Variants in BRD10 observed in about 807,000 individuals in gnomAD.
The protein encoded by BRD10 is bromodomain containing 10, also known as uncharacterized bromodomain-containing protein 10.
chr9:5,951,878 T>C, the BRD10 span, among the ~76,000 whole-genome samples: 4 of 152,152 alleles, frequency 2.6e-5, no homozygotes, highest in Non-Finnish European at 5.9e-5. Flanking sequence ...GGTATTCATA[T>C]TGTAAACTAG....
the BRD10 span, among the ~76,000 whole-genome samples, chr9:5,902,987 C>T: frequency 1.3e-5 from 2 of 152,168 alleles, no homozygotes; most frequent in Admixed American, 6.6e-5. Context: ...ATACTGCTTG[C>T]ACTGCTAAGC....
the BRD10 span, among the ~76,000 whole-genome samples, chr9:6,000,767 T>C: frequency 1.3e-5 from 2 of 152,220 alleles, no homozygotes; most frequent in African/African-American, 2.4e-5. Context: ...AAATTAAGCA[T>C]TTCAGCTTTT....
the BRD10 span, chr9:5,922,321 A>G: frequency 5.6e-6 from 9 of 1,613,876 alleles, no homozygotes; most frequent in Admixed American, 1.7e-5. Flanking sequence ...TGGTCGGTGA[A>G]GCACTGGGCA....
chr9:5,983,250 C>T, the BRD10 span, among the ~76,000 whole-genome samples: 1 of 152,178 alleles, frequency 6.6e-6, no homozygotes, highest in African/African-American at 2.4e-5. Flanking sequence ...TATTGTAGGG[C>T]TGAACTGGAG....
the BRD10 span, among the ~76,000 whole-genome samples, chr9:5,926,240 T>C: frequency 2.2e-4 from 33 of 152,256 alleles, no homozygotes; most frequent in African/African-American, 7.5e-4. Flanking sequence ...ATTTTTGCTA[T>C]ACATTCTTAT....
chr9:5,887,047 T>C, the BRD10 span, among the ~76,000 whole-genome samples: 4 of 151,928 alleles, frequency 2.6e-5, no homozygotes, highest in Non-Finnish European at 4.4e-5. Context: ...CCACTAGAGG[T>C]CAGGAGTTCG....
At chr9:5,905,927 T>G in the BRD10 span, among the ~76,000 whole-genome samples, 1 of 152,234 alleles carries the variant, frequency 6.6e-6, no homozygotes, top group Non-Finnish European at 1.5e-5. Flanking sequence ...AGTTTTTTTC[T>G]TTCTGTTAAC....
chr9:5,980,162 A>G, the BRD10 span, among the ~76,000 whole-genome samples: 1 of 152,196 alleles, frequency 6.6e-6, no homozygotes, highest in Admixed American at 6.6e-5. Context: ...GGTGGTTGTG[A>G]TTAGCTTAAA....
the BRD10 span, among the ~76,000 whole-genome samples, chr9:6,006,162 C>T: frequency 6.6e-6 from 1 of 152,190 alleles, no homozygotes; most frequent in Non-Finnish European, 1.5e-5. Context: ...ATTAAAATGG[C>T]TAACACTTAT....
At chr9:5,964,937 G>C in the BRD10 span, among the ~76,000 whole-genome samples, 1 of 147,792 alleles carries the variant, frequency 6.8e-6, no homozygotes, top group Non-Finnish European at 1.5e-5. Context: ...GGAGAGCATT[G>C]GGAGATATAC....
chr9:6,003,263 A>T, the BRD10 span, among the ~76,000 whole-genome samples: 1 of 152,220 alleles, frequency 6.6e-6, no homozygotes, highest in Non-Finnish European at 1.5e-5. Flanking sequence ...AGCCTTTCAA[A>T]ACTAGAAAAA....
chr9:5,960,543 CAA>C, the BRD10 span, among the ~76,000 whole-genome samples: 1 of 137,232 alleles, frequency 7.3e-6, no homozygotes, highest in Non-Finnish European at 1.5e-5. Flanking sequence ...GCCTGGGCAA[CAA>C]GAGTGAGACT....
chr9:5,967,183 TA>T, the BRD10 span, among the ~76,000 whole-genome samples: 6 of 152,186 alleles, frequency 3.9e-5, no homozygotes, highest in Admixed American at 2.6e-4. Context: ...ATTTTAATGT[TA>T]ATTCCACCTT....
At chr9:5,921,074 T>G in the BRD10 span, 101 of 1,613,800 alleles carry the variant, frequency 6.3e-5, no homozygotes, top group African/African-American at 1.1e-3. Flanking sequence ...AACCACTGAT[T>G]CATTAACAGG....
At chr9:5,980,183 G>A in the BRD10 span, among the ~76,000 whole-genome samples, 1 of 152,088 alleles carries the variant, frequency 6.6e-6, no homozygotes, top group Non-Finnish European at 1.5e-5. Flanking sequence ...GACTATTTCA[G>A]CAATAAATTA....
At chr9:5,962,054 C>A in the BRD10 span, among the ~76,000 whole-genome samples, 3 of 152,052 alleles carry the variant, frequency 2.0e-5, no homozygotes, top group African/African-American at 7.2e-5. Flanking sequence ...TTTTCTAGTT[C>A]TTTTAATTGT....
At chr9:6,004,045 G>T in the BRD10 span, among the ~76,000 whole-genome samples, 87 of 152,190 alleles carry the variant, frequency 5.7e-4, 3 homozygotes, top group South Asian at 0.018. Context: ...TTCAGCATTC[G>T]GAATGCCCCA....
At chr9:5,879,597 T>C in the BRD10 span, among the ~76,000 whole-genome samples, 294 of 152,250 alleles carry the variant, frequency 1.9e-3, 3 homozygotes, top group Admixed American at 8.6e-3. Flanking sequence ...ACTGGTCTGG[T>C]GGCCACCGCT....
the BRD10 span, among the ~76,000 whole-genome samples, chr9:5,998,110 CA>C: frequency 1.3e-5 from 2 of 151,352 alleles, no homozygotes; most frequent in East Asian, 1.9e-4. Context: ...TAAAAATAAA[CA>C]AAAAAAAGAA....
Sources: allele counts gnomAD v4.1 joint callset (sites outside exome capture counted in the v4.1 genomes callset), GRCh38; gene constraint gnomAD v4.1.1; transcripts MANE v1.5; gene names NCBI Gene and HGNC (gene_info 2026-07-23, HGNC 2026-07-21).